CADPS2: variants seen among roughly 807,000 people sequenced by gnomAD.
The protein encoded by CADPS2 is calcium dependent secretion activator 2.
In CADPS2, 93 loss-of-function variants were observed where a neutral mutation model predicts 172.5. The ratio of observed to expected loss-of-function variants is 0.54; its 90% CI spans 0.46 to 0.64. The LOEUF (loss-of-function observed/expected upper bound fraction) is 0.64, where lower values mean the gene tolerates loss of function less well. Ranked by LOEUF, CADPS2 falls within the 30% of genes least tolerant of loss-of-function variation. CADPS2 has a pLI of 0.00. For synonymous variants in CADPS2, 546 were observed against 555.2 expected (o/e 0.98, Z 0.23); for missense variants, 1,420 against 1,565.9 (o/e 0.91, Z 1.57).
chr7:122,809,525 C>T (rs578193874), intron 1 of CADPS2, among the ~76,000 whole-genome samples: 3 of 150,022 alleles, frequency 2.0e-5, no homozygotes, highest in East Asian at 3.9e-4. Flanking sequence ...CGTTGCAGTG[C>T]GCTGAGATCG....
rs553494183 is a variant in CADPS2 at position 122,599,684 on chromosome 7, C to G, written c.1223+15497G>C. Among the ~76,000 whole-genome samples the G allele has an allele frequency of 5.3e-5, 8 of 152,156 alleles. No individual in the cohort carries two copies. The South Asian group carries it at 8.3e-4, about 16-fold the overall frequency. ...TCAACCGTAGAATTTATTTTAGTAA[C>G]AGTTTTCTTTCTAAACTTGAAAGCT... On this transcript the variant is annotated intron_variant, in intron 6 of 29. Coordinates refer to ENST00000449022, the MANE Select transcript of CADPS2 (RefSeq NM_017954.11).
chr7:122,737,942 C>T lies in CADPS2; in HGVS notation c.340-874G>A, dbSNP rs528182236. On this transcript the variant is annotated intron_variant, in intron 1 of 29. Coordinates refer to ENST00000449022, the MANE Select transcript of CADPS2 (RefSeq NM_017954.11). ...AATTTGGATTCCATGAACAAACATA[C>T]ATCAATACCTGAGTTTAGATAATTG... Among the ~76,000 whole-genome samples, 4 of 152,162 alleles carry T rather than the reference C, an allele frequency of 2.6e-5. No homozygotes were observed. In the South Asian group the frequency reaches 8.3e-4, roughly 32 times the overall value.
At chr7:122,371,566 G>T (rs1435449266) in intron 25 of CADPS2, among the ~76,000 whole-genome samples, 3 of 151,704 alleles carry the variant, frequency 2.0e-5, no homozygotes, top group East Asian at 3.9e-4. Context: ...GGATTATAGG[G>T]ATTATAATTC....
intron 7 of CADPS2, among the ~76,000 whole-genome samples, chr7:122,561,216 A>G (rs574186658): frequency 2.5e-4 from 38 of 152,234 alleles, no homozygotes; most frequent in Middle Eastern, 6.8e-3. Context: ...TTTATTTTCA[A>G]AGCTGGAAAG....
chr7:122,743,474 C>A (rs570071445), intron 1 of CADPS2, among the ~76,000 whole-genome samples: 9 of 152,226 alleles, frequency 5.9e-5, no homozygotes, highest in African/African-American at 2.2e-4. Flanking sequence ...ACCTGCAGAA[C>A]CCATCAGGAG....
Position 122,609,197 on chromosome 7 carries a change from G to A in CADPS2, c.1223+5984C>T, listed in dbSNP as rs369249992. 5.4e-4 allele frequency among the ~76,000 whole-genome samples: 82 copies of A among 152,114 alleles called. 1 individual carries two copies. The East Asian group carries it at 0.012, about 22-fold the overall frequency. ...GCACTCAAAGGATACTTAACACTTG[G>A]AGGGAATAAAAGACTAGTACATATA... On this transcript the variant is annotated intron_variant, in intron 6 of 29. Coordinates refer to ENST00000449022, the MANE Select transcript of CADPS2 (RefSeq NM_017954.11).
chr7:122,628,688 T>G (rs547364184), intron 4 of CADPS2, among the ~76,000 whole-genome samples: 1 of 150,960 alleles, frequency 6.6e-6, no homozygotes, highest in South Asian at 2.1e-4. Flanking sequence ...TGTCTGAAAT[T>G]TATCTCTATT....
At chr7:122,726,130 T>C (rs2091057969) in intron 2 of CADPS2, among the ~76,000 whole-genome samples, 1 of 151,714 alleles carries the variant, frequency 6.6e-6, no homozygotes, top group Non-Finnish European at 1.5e-5. Context: ...CCAATGATCT[T>C]ATGAAAATAA....
intron 1 of CADPS2, among the ~76,000 whole-genome samples, chr7:122,862,867 CA>C (rs1239130316): frequency 6.6e-6 from 1 of 152,018 alleles, no homozygotes; most frequent in Non-Finnish European, 1.5e-5. Context: ...ACGTGTATTT[CA>C]GTATGTAAAC....
intron 2 of CADPS2, among the ~76,000 whole-genome samples, chr7:122,706,273 T>C (rs2087453212): frequency 4.8e-5 from 1 of 20,926 alleles, no homozygotes; most frequent in Non-Finnish European, 1.2e-4. Context: ...TATATATGTT[T>C]ATATATTCAA....
rs1585170424 is a variant in CADPS2, at chr7:122,886,098, C to T, written c.240G>A (p.Glu80=). 3.2e-6 allele frequency: 5 copies of T among 1,578,518 alleles called. No individual in the cohort carries two copies. Among genetic ancestry groups the T allele is most frequent in the South Asian group, 2.3e-5 (2 of 86,032 alleles). Residue 80 remains glutamate (E), a synonymous_variant, in exon 1 of 30, where the codon GAG becomes GAA. Transcript: ENST00000449022. ...CGTAGAGCTGCAGGCGGATCCTCCG[C>T]TCCTGCTCATCGTCCAGCTGCCGCT... ...EPQRQLDDEQ[E]RRIRLQLYVF...
At chr7:122,550,811 T>A (rs534148941) in intron 8 of CADPS2, among the ~76,000 whole-genome samples, 41 of 152,218 alleles carry the variant, frequency 2.7e-4, no homozygotes, top group African/African-American at 9.1e-4. Context: ...AAGCTGGATG[T>A]GAATCATTTA....
chr7:122,587,590 C>T (rs549467832), intron 6 of CADPS2, among the ~76,000 whole-genome samples: 2 of 152,246 alleles, frequency 1.3e-5, no homozygotes, highest in South Asian at 2.1e-4. Context: ...ATGCATGTAT[C>T]TTTGCAACAG....
At chr7:122,439,413 T>C (rs946762587) in intron 16 of CADPS2, 2 of 152,180 alleles carry the variant, frequency 1.3e-5, no homozygotes, top group Admixed American at 6.6e-5. Context: ...GACAATGCTT[T>C]CGTAAGTGCT....
chr7:122,847,657 C>T (rs561198646), intron 1 of CADPS2, among the ~76,000 whole-genome samples: 16 of 151,994 alleles, frequency 1.1e-4, no homozygotes, highest in African/African-American at 3.4e-4. Context: ...AAGCTTATGG[C>T]GTGGGAAAAC....
intron 7 of CADPS2, among the ~76,000 whole-genome samples, chr7:122,576,257 T>C (rs2068020373): frequency 6.6e-6 from 1 of 152,150 alleles, no homozygotes; most frequent in Non-Finnish European, 1.5e-5. Flanking sequence ...AAGTGTCCCT[T>C]CTCAAATCAT....
At chr7:122,406,733 G>A (rs1436081775) in intron 20 of CADPS2, among the ~76,000 whole-genome samples, 1 of 152,194 alleles carries the variant, frequency 6.6e-6, no homozygotes, top group Non-Finnish European at 1.5e-5. Context: ...GAATGGGTCA[G>A]AACCAGAGGT....
chr7:122,328,840 C>A (rs2034412190), intron 28 of CADPS2, among the ~76,000 whole-genome samples: 1 of 152,170 alleles, frequency 6.6e-6, no homozygotes, highest in African/African-American at 2.4e-5. Context: ...CCCCATCAAG[C>A]TGCTACTTGC....
chr7:122,681,640 G>C (rs899358191), intron 2 of CADPS2: 16 of 1,422,444 alleles, frequency 1.1e-5, no homozygotes, highest in Non-Finnish European at 9.8e-7. Context: ...GCTGCCCCAC[G>C]TCCCCCACCA....
Sources: gnomAD v4.1 joint callset for allele counts (sites outside exome capture counted in the v4.1 genomes callset) on GRCh38, gnomAD v4.1.1 for gene constraint, MANE v1.5 for transcripts, NCBI Gene and HGNC (gene_info 2026-07-23, HGNC 2026-07-21) for gene names.